Variants in LSAMP observed in about 807,000 individuals in gnomAD.
LSAMP encodes limbic system-associated membrane protein.
Under a neutral mutation model 38.6 loss-of-function variants are expected in LSAMP, and 7 were observed. That is an observed-to-expected ratio of 0.18 (90% confidence interval 0.10 to 0.34). The LOEUF (loss-of-function observed/expected upper bound fraction) is 0.34. LSAMP is among the 10% of genes least tolerant of loss of function. LSAMP has a pLI of 1.00. For missense variants in LSAMP, 313 were observed against 420.0 expected (o/e 0.75, Z 2.23); for synonymous variants, 154 against 166.8 (o/e 0.92, Z 0.59).
chr3:116,062,096 T>C (rs1941603957), intron 2 of LSAMP, among the ~76,000 whole-genome samples: 1 of 152,214 alleles, frequency 6.6e-6, no homozygotes, highest in Non-Finnish European at 1.5e-5. Flanking sequence ...AAACTACTTA[T>C]AAAATAAAAA....
intron 3 of LSAMP, among the ~76,000 whole-genome samples, chr3:116,017,610 T>TA (rs1246483685): frequency 1.3e-5 from 2 of 152,114 alleles, no homozygotes; most frequent in East Asian, 3.8e-4. Context: ...TATATATTTT[T>TA]ACAGATGGTC....
chr3:116,179,165 C>T (rs1415805682), intron 1 of LSAMP, among the ~76,000 whole-genome samples: 1 of 152,182 alleles, frequency 6.6e-6, no homozygotes, highest in African/African-American at 2.4e-5. Context: ...CACACTAAGG[C>T]TTCTTTCTGT....
intron 3 of LSAMP, among the ~76,000 whole-genome samples, chr3:115,932,442 G>T (rs1276606332): frequency 6.6e-6 from 1 of 152,218 alleles, no homozygotes; most frequent in Non-Finnish European, 1.5e-5. Flanking sequence ...TGAGAAAGGG[G>T]AGTATGTCAT....
chr3:116,182,679 GT>G (rs1364195308), intron 1 of LSAMP, among the ~76,000 whole-genome samples: 4 of 151,608 alleles, frequency 2.6e-5, no homozygotes, highest in African/African-American at 7.3e-5. Flanking sequence ...AGAATCACCT[GT>G]TTTTTTGATA....
intron 1 of LSAMP, among the ~76,000 whole-genome samples, chr3:116,172,219 A>G (rs534615735): frequency 7.9e-5 from 12 of 152,014 alleles, no homozygotes; most frequent in Admixed American, 1.3e-4. Context: ...GCCATGCGCC[A>G]ATTACAGATA....
chr3:116,375,297 A>T (rs1362349485), intron 1 of LSAMP, among the ~76,000 whole-genome samples: 1 of 152,004 alleles, frequency 6.6e-6, no homozygotes, highest in East Asian at 1.9e-4. Context: ...TATTGGAAAA[A>T]GAAAACAAAC....
At chr3:116,138,608 G>T (rs1303119845) in intron 1 of LSAMP, among the ~76,000 whole-genome samples, 1 of 151,980 alleles carries the variant, frequency 6.6e-6, no homozygotes, top group Non-Finnish European at 1.5e-5. Flanking sequence ...ATTCAGGATG[G>T]CGCTGTGGGT....
chr3:115,931,683 T>C (rs1215968331), intron 3 of LSAMP, among the ~76,000 whole-genome samples: 1 of 152,232 alleles, frequency 6.6e-6, no homozygotes, highest in Non-Finnish European at 1.5e-5. Context: ...CTAATATGTA[T>C]AGCTATTCTT....
intron 1 of LSAMP, among the ~76,000 whole-genome samples, chr3:116,092,375 A>AT (rs1559739509): frequency 6.6e-6 from 1 of 152,192 alleles, no homozygotes; most frequent in Non-Finnish European, 1.5e-5. Flanking sequence ...TAGGAACTAA[A>AT]TGATCTATAT....
intron 1 of LSAMP, among the ~76,000 whole-genome samples, chr3:116,157,445 A>G (rs1248128649): frequency 6.6e-6 from 1 of 152,174 alleles, no homozygotes; most frequent in Non-Finnish European, 1.5e-5. Context: ...ACAAGGAGGA[A>G]TAAAGATCCT....
chr3:116,040,337 A>C (rs1412261055), intron 2 of LSAMP, among the ~76,000 whole-genome samples: 1 of 152,198 alleles, frequency 6.6e-6, no homozygotes, highest in Non-Finnish European at 1.5e-5. Context: ...GTCTTCGCTG[A>C]AAGGAGATGA....
At chr3:116,031,237 A>G (rs1477625995) in intron 2 of LSAMP, among the ~76,000 whole-genome samples, 2 of 152,126 alleles carry the variant, frequency 1.3e-5, no homozygotes, top group Admixed American at 1.3e-4. Flanking sequence ...ATACAAAACA[A>G]AATTTACTGA....
intron 1 of LSAMP, among the ~76,000 whole-genome samples, chr3:116,374,900 A>G (rs1324307995): frequency 6.6e-6 from 1 of 151,876 alleles, no homozygotes; most frequent in African/African-American, 2.4e-5. Context: ...AAATGGTGAT[A>G]AATATATTCC....
chr3:116,430,848 T>C (rs1690929094), intron 1 of LSAMP, among the ~76,000 whole-genome samples: 1 of 152,078 alleles, frequency 6.6e-6, no homozygotes, highest in Non-Finnish European at 1.5e-5. Flanking sequence ...TTTTATGTCA[T>C]TCAACTAGAT....
chr3:116,133,872 T>C (rs941959604), intron 1 of LSAMP, among the ~76,000 whole-genome samples: 12 of 152,188 alleles, frequency 7.9e-5, no homozygotes, highest in Admixed American at 2.6e-4. Flanking sequence ...TCCTTCCCAA[T>C]TGGTGTATTC....
chr3:116,017,200 A>T (rs1210457713), intron 3 of LSAMP, among the ~76,000 whole-genome samples: 1 of 152,202 alleles, frequency 6.6e-6, no homozygotes, highest in Non-Finnish European at 1.5e-5. Flanking sequence ...CAGAAGTTTT[A>T]TAAATTCAAG....
Position 115,887,079 on chromosome 3 carries a change from T to G in LSAMP, c.515-34462A>C, listed in dbSNP as rs547653661. Among the ~76,000 whole-genome samples the G allele has an allele frequency of 3.9e-5, 6 of 152,102 alleles. No homozygotes were observed. In the East Asian group the frequency reaches 5.8e-4, roughly 15 times the overall value. On this transcript the variant is annotated intron_variant, in intron 3 of 6. Coordinates refer to ENST00000490035, the MANE Select transcript of LSAMP (RefSeq NM_002338.5). ...TGTTCTCGATATTAGAACAACAGAT[T>G]TTCTTTGAACCCCCTTGACCTTAAA...
At chr3:116,044,511 T>A (rs1941247561) in intron 2 of LSAMP, among the ~76,000 whole-genome samples, 1 of 152,042 alleles carries the variant, frequency 6.6e-6, no homozygotes, top group Admixed American at 6.6e-5. Flanking sequence ...GTTTGTGTGT[T>A]CATGGAGAAC....
At chr3:116,190,128 C>CACACACAT (rs768880292) in intron 1 of LSAMP, among the ~76,000 whole-genome samples, 9,792 of 146,140 alleles carry the variant, frequency 0.067, 428 homozygotes, top group African/African-American at 0.12. Flanking sequence ...CACACACACA[C>CACACACAT]ATGCATTAAG....
Sources: gnomAD v4.1 joint callset for allele counts (sites outside exome capture counted in the v4.1 genomes callset) on GRCh38, gnomAD v4.1.1 for gene constraint, MANE v1.5 for transcripts, NCBI Gene and HGNC (gene_info 2026-07-23, HGNC 2026-07-21) for gene names.